Variants in RIMS1 observed in about 807,000 individuals in gnomAD.
RIMS1 encodes the protein regulating synaptic membrane exocytosis 1.
In RIMS1, 83 loss-of-function variants were observed where a neutral mutation model predicts 214.1. The ratio of observed to expected loss-of-function variants is 0.39; its 90% CI spans 0.32 to 0.47. The LOEUF is 0.47. Ranked by LOEUF, RIMS1 falls within the 20% of genes least tolerant of loss-of-function variation. The pLI is 0.99. For synonymous variants in RIMS1, 793 were observed against 786.8 expected, an observed-to-expected ratio of 1.01 and a Z score of -0.13; for missense variants, 2,050 against 2,161.8, an observed-to-expected ratio of 0.95 and a Z score of 1.03.
chr6:72,127,411 G>T (rs919136503), intron 4 of RIMS1, among the ~76,000 whole-genome samples: 2 of 152,078 alleles, frequency 1.3e-5, no homozygotes, highest in Non-Finnish European at 2.9e-5. Context: ...TGTACATAAA[G>T]TTATTTAAAT....
At chr6:72,115,270 C>T (rs1199873537) in intron 4 of RIMS1, among the ~76,000 whole-genome samples, 1 of 151,916 alleles carries the variant, frequency 6.6e-6, no homozygotes, top group Non-Finnish European at 1.5e-5. Context: ...TTATTAGAAA[C>T]TGATTTCATC....
intron 4 of RIMS1, among the ~76,000 whole-genome samples, chr6:72,163,574 T>G (rs2153938504): frequency 7.1e-6 from 1 of 141,146 alleles, no homozygotes; most frequent in South Asian, 2.4e-4. Flanking sequence ...GTGGATGTCC[T>G]TTCTGTTTGT....
At chr6:72,384,989 CTT>C (rs933511102) in intron 29 of RIMS1, among the ~76,000 whole-genome samples, 2 of 152,132 alleles carry the variant, frequency 1.3e-5, no homozygotes, top group Non-Finnish European at 2.9e-5. Flanking sequence ...TTGGAATACT[CTT>C]TGAGAGAAAG....
chr6:72,391,385 C>T (rs2098700388), intron 30 of RIMS1, among the ~76,000 whole-genome samples: 1 of 147,020 alleles, frequency 6.8e-6, no homozygotes, highest in Non-Finnish European at 1.5e-5. Flanking sequence ...TCATATGGAT[C>T]CTGCACAAAA....
intron 26 of RIMS1, among the ~76,000 whole-genome samples, chr6:72,297,644 A>G (rs2807530): frequency 0.31 from 46,598 of 151,768 alleles, 7,797 homozygotes; most frequent in Non-Finnish European, 0.38. Flanking sequence ...GGATGTAGAA[A>G]TGCCTCACAG....
chr6:72,045,389 A>G (rs895641021), intron 2 of RIMS1, among the ~76,000 whole-genome samples: 3 of 152,130 alleles, frequency 2.0e-5, no homozygotes, highest in South Asian at 2.1e-4. Context: ...AAACATATTT[A>G]TTATCTTAAA....
intron 23 of RIMS1, among the ~76,000 whole-genome samples, chr6:72,282,623 G>C (rs1484326855): frequency 2.0e-5 from 3 of 152,084 alleles, no homozygotes; most frequent in Non-Finnish European, 4.4e-5. Context: ...GATAAACTTA[G>C]ATTTTAATCC....
At chr6:72,086,084 C>T (rs180920647) in intron 2 of RIMS1, among the ~76,000 whole-genome samples, 3 of 152,140 alleles carry the variant, frequency 2.0e-5, no homozygotes, top group African/African-American at 7.2e-5. Context: ...TTGTCTCACT[C>T]TAAGAAAAGT....
intron 1 of RIMS1, among the ~76,000 whole-genome samples, chr6:71,960,646 T>G (rs1414336179): frequency 6.6e-6 from 1 of 152,136 alleles, no homozygotes; most frequent in Non-Finnish European, 1.5e-5. Flanking sequence ...GTTTTTCTCA[T>G]GTCCTCTCTA....
chr6:72,145,498 G>A (rs1237430251), intron 4 of RIMS1, among the ~76,000 whole-genome samples: 5 of 152,160 alleles, frequency 3.3e-5, no homozygotes, highest in Non-Finnish European at 5.9e-5. Flanking sequence ...TGTAGTCCCA[G>A]CTACTCAGGA....
intron 4 of RIMS1, among the ~76,000 whole-genome samples, chr6:72,101,833 T>G (rs1379116333): frequency 6.6e-6 from 1 of 151,968 alleles, no homozygotes; most frequent in Non-Finnish European, 1.5e-5. Flanking sequence ...TTTTAAAACT[T>G]CATCCTCAGC....
intron 29 of RIMS1, among the ~76,000 whole-genome samples, chr6:72,374,757 A>T (rs1464084324): frequency 2.0e-5 from 3 of 152,182 alleles, no homozygotes; most frequent in Non-Finnish European, 4.4e-5. Context: ...TACTTTTATT[A>T]TGCCCTTTAT....
chr6:72,148,725 T>C, intron 4 of RIMS1: 1 of 438,750 alleles, frequency 2.3e-6, no homozygotes, highest in South Asian at 1.6e-5. Flanking sequence ...TTTTTTTTTT[T>C]TTTCTAGGGC....
chr6:72,269,231 A>G (rs573156657), intron 22 of RIMS1, among the ~76,000 whole-genome samples: 1 of 152,270 alleles, frequency 6.6e-6, no homozygotes, highest in Non-Finnish European at 1.5e-5. Flanking sequence ...ACATCTTGCA[A>G]CATTTTACAT....
At position 71,886,866 on chromosome 6, in the gene RIMS1, C is replaced by G; in HGVS notation, c.-158C>G. 1 of 730,532 alleles carries G rather than the reference C, an allele frequency of 1.4e-6. No individual in the cohort carries two copies. The highest frequency in any genetic ancestry group is 2.3e-6 in the Non-Finnish European group (1 of 437,376). 45.3% of individuals were successfully genotyped at this position (730,532 alleles called of 1,614,324 possible). On this transcript the variant is annotated 5_prime_UTR_variant, in exon 1 of 34. Coordinates refer to ENST00000521978, the MANE Select transcript of RIMS1 (RefSeq NM_014989.7). ...AAGACTGGGTTCTCGCTCTCCCCGG[C>G]TCTGCTGCTGCTGCTGCTGCCGCCG...
chr6:71,923,636 G>C (rs573814446), intron 1 of RIMS1, among the ~76,000 whole-genome samples: 1 of 151,086 alleles, frequency 6.6e-6, no homozygotes, highest in South Asian at 2.1e-4. Context: ...GCGTGATCTT[G>C]GCTCACCGCA....
intron 2 of RIMS1, among the ~76,000 whole-genome samples, chr6:72,020,345 A>G (rs1814224957): frequency 6.6e-6 from 1 of 152,222 alleles, no homozygotes; most frequent in Non-Finnish European, 1.5e-5. Flanking sequence ...TTAAAATCAC[A>G]TAGTTTTTCC....
intron 13 of RIMS1, among the ~76,000 whole-genome samples, chr6:72,250,703 C>T (rs1362526522): frequency 2.6e-5 from 4 of 152,116 alleles, no homozygotes; most frequent in Admixed American, 2.0e-4. Flanking sequence ...GATAGCGACA[C>T]ATCATTTAGA....
Position 72,392,820 on chromosome 6 carries a change from AT to A in RIMS1, c.4618+20del, listed in dbSNP as rs113359739. The A allele has an allele frequency of 0.24, 351,918 of 1,448,046 alleles. 40,861 individuals are homozygous for A. The highest frequency in any genetic ancestry group is 0.38 in the African/African-American group (26,871 of 70,240). The allele number at this position is 1,448,046 out of a possible 1,614,324, so 89.7% of individuals were successfully genotyped here. A position where few individuals can be genotyped will look rare whatever the true frequency, so the allele number is the denominator to read the frequency against. The stretch of plus-strand genomic sequence containing the variant: ...GCCACCCCTGCAATGGGTAAGAATC[AT>A]TTTTTTTTTCTACAAGAAAATTGAT... On this transcript the variant is annotated intron_variant, in intron 31 of 33. Coordinates refer to ENST00000521978, the MANE Select transcript of RIMS1 (RefSeq NM_014989.7).
Sources: allele counts gnomAD v4.1 joint callset (sites outside exome capture counted in the v4.1 genomes callset), GRCh38; gene constraint gnomAD v4.1.1; transcripts MANE v1.5; gene names NCBI Gene and HGNC (gene_info 2026-07-23, HGNC 2026-07-21).